SAMSN1: variants seen among roughly 807,000 people sequenced by gnomAD.
SAMSN1 encodes SAM domain, SH3 domain and nuclear localization signals 1.
A neutral mutation model predicts 42.0 loss-of-function variants in SAMSN1; 31 were observed. The ratio of observed to expected loss-of-function variants is 0.74; its 90% confidence interval spans 0.55 to 1.00. The LOEUF (loss-of-function observed/expected upper bound fraction) is 1.00, where lower values mean the gene tolerates loss of function less well. Ranked by LOEUF, SAMSN1 falls within the 50% of genes least tolerant of loss-of-function variation. The pLI is 0.00. For synonymous variants in SAMSN1, 178 were observed against 151.9 expected (o/e 1.17, Z -1.26); for missense variants, 464 against 439.4 (o/e 1.06, Z -0.50).
chr21:14,498,836 A>C (rs1987017278), intron 6 of SAMSN1, among the ~76,000 whole-genome samples: 1 of 152,234 alleles, frequency 6.6e-6, no homozygotes, highest in African/African-American at 2.4e-5. Flanking sequence ...TAAGCTATAC[A>C]ATTCCAAATC....
chr21:14,638,046 T>C (rs1250973244), intron 2 of SAMSN1, among the ~76,000 whole-genome samples: 1 of 152,192 alleles, frequency 6.6e-6, no homozygotes, highest in Non-Finnish European at 1.5e-5. Context: ...TTCCCCCACC[T>C]ACCTTCTGGT....
intron 1 of SAMSN1, among the ~76,000 whole-genome samples, chr21:14,646,425 T>A (rs1983714165): frequency 6.6e-6 from 1 of 152,182 alleles, no homozygotes; most frequent in Non-Finnish European, 1.5e-5. Context: ...GGTGAAAATA[T>A]CTTTCAAACA....
intron 4 of SAMSN1, among the ~76,000 whole-genome samples, chr21:14,610,600 G>A (rs1170704898): frequency 1.3e-5 from 2 of 152,054 alleles, no homozygotes; most frequent in Admixed American, 1.3e-4. Context: ...GTGGCTCGGG[G>A]GCATCACAAA....
chr21:14,578,860 C>A (rs1035028622), intron 2 of SAMSN1, among the ~76,000 whole-genome samples: 1 of 152,012 alleles, frequency 6.6e-6, no homozygotes, highest in Non-Finnish European at 1.5e-5. Context: ...TATAATCACA[C>A]TCTTACCCTT....
intron 5 of SAMSN1, among the ~76,000 whole-genome samples, chr21:14,508,774 A>T (rs1231428085): frequency 1.3e-5 from 2 of 152,236 alleles, no homozygotes; most frequent in Non-Finnish European, 2.9e-5. Context: ...TGGCAGCATG[A>T]TTTGCAATTG....
chr21:14,602,113 T>G lies in SAMSN1; in HGVS notation c.323-14A>C, dbSNP rs560808650. ...CTTCATTTAGATCTAAGAAAAGAGA[T>G]AACTGTTACATACAGAATATCAGAC... On this transcript the variant is annotated splice_polypyrimidine_tract_variant and intron_variant, in intron 5 of 15. Coordinates refer to the SAMSN1 transcript ENST00000647101. 59 of 641,636 alleles carry G rather than the reference T, an allele frequency of 9.2e-5. No homozygotes were observed. In the African/African-American group the frequency reaches 1.1e-3, roughly 12 times the overall value. The allele number at this position is 641,636 out of a possible 1,614,324, so 39.7% of individuals were successfully genotyped here.
intron 1 of SAMSN1, among the ~76,000 whole-genome samples, chr21:14,540,541 A>G (rs1274134535): frequency 1.3e-5 from 2 of 152,236 alleles, no homozygotes; most frequent in Non-Finnish European, 2.9e-5. Flanking sequence ...AATGCTCATC[A>G]TCACTGGCCA....
intron 7 of SAMSN1, 114 bp downstream of exon 7, chr21:14,498,328 G>T: frequency 4.8e-6 from 4 of 840,528 alleles, no homozygotes; most frequent in South Asian, 1.9e-5. Context: ...TATTTTATGG[G>T]AAAGCGTGCT....
intron 2 of SAMSN1, among the ~76,000 whole-genome samples, chr21:14,559,557 T>C (rs1412088936): frequency 6.6e-6 from 1 of 152,170 alleles, no homozygotes; most frequent in African/African-American, 2.4e-5. Flanking sequence ...AGGCTGGAAT[T>C]CAATAGCATG....
At chr21:14,514,289 T>C (rs1429427454) in intron 3 of SAMSN1, among the ~76,000 whole-genome samples, 11 of 152,168 alleles carry the variant, frequency 7.2e-5, no homozygotes, top group Admixed American at 7.2e-4. Context: ...TTCCTAGCAT[T>C]TCCTGTCATA....
upstream of SAMSN1, among the ~76,000 whole-genome samples, chr21:14,587,768 T>G (rs1369253137): frequency 6.7e-6 from 1 of 150,034 alleles, no homozygotes; most frequent in East Asian, 1.9e-4. Flanking sequence ...TATTTATTTT[T>G]TAAATTTTTT....
upstream of SAMSN1, among the ~76,000 whole-genome samples, chr21:14,586,441 C>T (rs893483565): frequency 4.0e-5 from 6 of 151,788 alleles, no homozygotes; most frequent in Non-Finnish European, 8.8e-5. Context: ...AAGATTAACC[C>T]ATAAATTAAA....
chr21:14,630,893 T>C (rs1183103287), intron 2 of SAMSN1, among the ~76,000 whole-genome samples: 1 of 152,192 alleles, frequency 6.6e-6, no homozygotes, highest in Non-Finnish European at 1.5e-5. Flanking sequence ...CAAAAAACTC[T>C]CAATTTTAAT....
rs376236737 is a variant in SAMSN1, at chr21:14,604,851, T to C, written c.323-2752A>G. On this transcript the variant is annotated intron_variant, in intron 5 of 15. Coordinates refer to the SAMSN1 transcript ENST00000647101. ...CAGATGTCGAAGTCCTCCCCAGTCATTCAAGTCTTCCCAAATGAAGCCTCA... is the reference window on the plus strand; with the variant it reads ...CAGATGTCGAAGTCCTCCCCAGTCACTCAAGTCTTCCCAAATGAAGCCTCA... Among the ~76,000 whole-genome samples, 114 of 152,366 alleles carry C rather than the reference T, an allele frequency of 7.5e-4. 1 individual carries two copies. The South Asian group carries it at 8.3e-3, about 11-fold the overall frequency.
chr21:14,585,017 T>C (rs1273923891), upstream of SAMSN1, among the ~76,000 whole-genome samples: 3 of 60,946 alleles, frequency 4.9e-5, no homozygotes, highest in Non-Finnish European at 1.2e-4. Context: ...GTGACGTTTT[T>C]GTCAGAGGAA....
intron 5 of SAMSN1, among the ~76,000 whole-genome samples, 186 bp from the exon 6 acceptor site, chr21:14,500,921 C>A (rs951376855): frequency 3.3e-5 from 5 of 152,178 alleles, no homozygotes; most frequent in Admixed American, 6.5e-5. Context: ...TGCTTATAAT[C>A]CCAGCACTTT....
intron 1 of SAMSN1, among the ~76,000 whole-genome samples, chr21:14,527,408 C>G (rs1978934265): frequency 6.6e-6 from 1 of 152,190 alleles, no homozygotes; most frequent in Non-Finnish European, 1.5e-5. Context: ...TGTCAGGAAA[C>G]TGACGGCTAA....
At chr21:14,567,348 A>C (rs942854570) in intron 2 of SAMSN1, among the ~76,000 whole-genome samples, 1 of 151,204 alleles carries the variant, frequency 6.6e-6, no homozygotes, top group Non-Finnish European at 1.5e-5. Flanking sequence ...ATCAGATTTT[A>C]TTTACATAAA....
chr21:14,523,717 A>T (rs1049712943), intron 1 of SAMSN1, among the ~76,000 whole-genome samples: 11 of 152,162 alleles, frequency 7.2e-5, no homozygotes, highest in Admixed American at 6.5e-4. Context: ...TATTAATGAG[A>T]GTAAGGGTGC....
Sources: gnomAD v4.1 joint callset for allele counts (sites outside exome capture counted in the v4.1 genomes callset) on GRCh38, gnomAD v4.1.1 for gene constraint, MANE v1.5 for transcripts, NCBI Gene and HGNC (gene_info 2026-07-23, HGNC 2026-07-21) for gene names.